Variants in DOCK9 observed in about 807,000 individuals in gnomAD.
DOCK9 encodes the protein dedicator of cytokinesis 9.
In DOCK9, 89 loss-of-function variants were observed where a neutral mutation model predicts 263.3. The ratio of observed to expected loss-of-function variants is 0.34; its 90% CI spans 0.28 to 0.40. The LOEUF is 0.40. DOCK9 is among the 10% of genes least tolerant of loss of function. DOCK9 has a pLI of 1.00. For missense variants in DOCK9, 2,140 were observed against 2,603.4 expected, an observed-to-expected ratio of 0.82 and a Z score of 3.87; for synonymous variants, 976 against 973.1, an observed-to-expected ratio of 1.00 and a Z score of -0.06.
chr13:98,819,464 A>T (rs893397298), intron 45 of DOCK9, among the ~76,000 whole-genome samples: 1 of 152,230 alleles, frequency 6.6e-6, no homozygotes, highest in Non-Finnish European at 1.5e-5. Flanking sequence ...AAGCAGCAGT[A>T]GGAGTGTAGT....
chr13:98,936,293 C>A (rs919430106), intron 2 of DOCK9, among the ~76,000 whole-genome samples: 1 of 152,082 alleles, frequency 6.6e-6, no homozygotes, highest in African/African-American at 2.4e-5. Flanking sequence ...TTGCAAATTC[C>A]TTTGAGAACA....
At chr13:98,968,035 A>T (rs551966942) in intron 1 of DOCK9, among the ~76,000 whole-genome samples, 2 of 152,156 alleles carry the variant, frequency 1.3e-5, no homozygotes, top group African/African-American at 4.8e-5. Context: ...TTTTAGTTTG[A>T]GGCTTTTAAG....
At chr13:98,857,710 G>A (rs1474307314) in intron 33 of DOCK9, 5 of 152,186 alleles carry the variant, frequency 3.3e-5, no homozygotes, top group African/African-American at 7.2e-5. Flanking sequence ...GTGTATTAAA[G>A]ATCAAGAAAA....
chr13:98,950,819 T>C (rs531912328), intron 2 of DOCK9, among the ~76,000 whole-genome samples: 1 of 152,328 alleles, frequency 6.6e-6, no homozygotes, highest in Non-Finnish European at 1.5e-5. Flanking sequence ...AAAAGCCAGA[T>C]GAAGATGCCG....
intron 1 of DOCK9, among the ~76,000 whole-genome samples, chr13:99,053,789 T>G (rs145343372): frequency 6.6e-6 from 1 of 152,160 alleles, no homozygotes; most frequent in African/African-American, 2.4e-5. Flanking sequence ...GCCCATCAGA[T>G]AGCACACACT....
At chr13:98,904,569 G>C (rs1566921975) in intron 10 of DOCK9, 63 bp downstream of exon 10, 4 of 1,184,650 alleles carry the variant, frequency 3.4e-6, no homozygotes, top group Non-Finnish European at 3.6e-6. Flanking sequence ...AAACAAATAA[G>C]CCCATCGATG....
upstream of DOCK9, among the ~76,000 whole-genome samples, chr13:98,978,306 A>G (rs548230557): frequency 6.6e-6 from 1 of 152,262 alleles, no homozygotes; most frequent in African/African-American, 2.4e-5. Context: ...AGACTCCTTC[A>G]TAATTACCTT....
At chr13:98,911,288 T>G (rs1266757859) in intron 9 of DOCK9, among the ~76,000 whole-genome samples, 1 of 152,218 alleles carries the variant, frequency 6.6e-6, no homozygotes, top group Non-Finnish European at 1.5e-5. Context: ...TTTTCAGGTT[T>G]TGACCATGAC....
chr13:98,881,909 G>A lies in DOCK9; in HGVS notation c.2658C>T (p.Val886=), dbSNP rs773991225. ...TCCCTTACCGAGTCACGTTAACCGC[G>A]ACTTCTTCCTGTGTGGCTCTGGTGA... ...RVLTRATQEE[V]AVNVTRVIIH... is the part of the protein sequence containing the mutation. Residue 886 remains valine, a synonymous_variant, in exon 24 of 53, where the codon GTC becomes GTT. Coordinates refer to ENST00000682017, the MANE Select transcript of DOCK9 (RefSeq NM_001366683.2). 7 of 1,584,834 alleles carry A rather than the reference G, an allele frequency of 4.4e-6. No homozygotes were observed. Among genetic ancestry groups the A allele is most frequent in the East Asian group, 2.3e-5 (1 of 43,660 alleles).
chr13:98,906,110 CGCCTGGGTAGAGAT>C (rs2049051763), intron 9 of DOCK9, among the ~76,000 whole-genome samples: 1 of 151,932 alleles, frequency 6.6e-6, no homozygotes, highest in Non-Finnish European at 1.5e-5. Context: ...TGTGTAGAGA[CGCCTGGGTAGAGAT>C]GCCTGTGGAA....
At chr13:98,923,455 G>A (rs933618467) in intron 4 of DOCK9, 84 bp from the exon 5 acceptor site, 21 of 1,108,752 alleles carry the variant, frequency 1.9e-5, no homozygotes, top group East Asian at 1.4e-4. Flanking sequence ...CATAGGGCCC[G>A]GCCTTTACTA....
chr13:98,984,133 T>A (rs183833857), intron 1 of DOCK9, among the ~76,000 whole-genome samples: 16 of 152,272 alleles, frequency 1.1e-4, no homozygotes, highest in African/African-American at 3.6e-4. Context: ...AAAGGGACCA[T>A]TGGAAGGTCC....
At chr13:99,079,944 G>A (rs1490182814) in intron 1 of DOCK9, among the ~76,000 whole-genome samples, 2 of 152,212 alleles carry the variant, frequency 1.3e-5, no homozygotes, top group Non-Finnish European at 2.9e-5. Flanking sequence ...GGAGGCTGAA[G>A]CAGGAGAATC....
In DOCK9 at chr13:98,805,056, T is replaced by A. The variant is rs1566532939; in HGVS notation, c.5668A>T (p.Thr1890Ser). 1.2e-6 allele frequency: 2 copies of A among 1,612,076 alleles called. No individual in the cohort carries two copies. The highest frequency in any genetic ancestry group is 2.2e-5 in the East Asian group (1 of 44,840). The change falls in exon 49 of 53, where the codon ACC (threonine) becomes TCC (serine). Residue 1890 changes from threonine (T) to serine (S), a missense_variant. Around this residue, in one of 2 missense-constraint regions of DOCK9, gnomAD observed 619 missense variants for 861.8 expected, o/e 0.72. Coordinates refer to ENST00000682017, the MANE Select transcript of DOCK9 (RefSeq NM_001366683.2). Reference protein sequence around the residue: ...RFMFEMPFTQTGKRQGGVEEQ... With the variant: ...RFMFEMPFTQSGKRQGGVEEQ... The stretch of plus-strand genomic sequence containing the variant: ...TCCACCCCGCCCTGCCTCTTCCCGG[T>A]CTGCGTAAATGGCATCTCAAACATG...
intron 1 of DOCK9, among the ~76,000 whole-genome samples, chr13:98,960,709 C>A (rs534309967): frequency 6.6e-6 from 1 of 152,244 alleles, no homozygotes; most frequent in East Asian, 1.9e-4. Context: ...TGGTTACAAA[C>A]GTAAATTCTG....
chr13:98,909,478 T>A (rs1455174888), intron 9 of DOCK9, among the ~76,000 whole-genome samples: 2 of 152,208 alleles, frequency 1.3e-5, no homozygotes, highest in East Asian at 3.8e-4. Context: ...AAACAATGTG[T>A]TGAATGTTGG....
rs1242791441 is a variant in DOCK9 at position 98,885,064 on chromosome 13, T to C, written c.2289A>G (p.Lys763=). 7 of 1,613,634 alleles carry C rather than the reference T, an allele frequency of 4.3e-6. No homozygotes were observed. Among genetic ancestry groups the C allele is most frequent in the East Asian group, 2.2e-5 (1 of 44,866 alleles). The change falls in exon 21 of 53, where the codon AAA becomes AAG. Residue 763 remains lysine, a synonymous_variant. Transcript: ENST00000682017. The stretch of plus-strand genomic sequence containing the variant: ...GCTCGCTTGTCACCACCCTTCCGTC[T>C]TTCAGGAGGGGAAGCCAGGAGTAGC... ...QVGYSWLPLL[K]DGRVVTSEQH...
chr13:98,953,880 T>C (rs1484805526), intron 2 of DOCK9, among the ~76,000 whole-genome samples: 2 of 152,232 alleles, frequency 1.3e-5, no homozygotes, highest in Admixed American at 1.3e-4. Flanking sequence ...TCAATTTCAT[T>C]CCCATGGGCA....
rs1435089351 is a variant in DOCK9 at position 98,903,011 on chromosome 13, T to C, written c.1137A>G (p.Gln379=). The change falls in exon 11 of 53, where the codon CAA becomes CAG. Residue 379 remains glutamine (Q), a synonymous_variant. Coordinates refer to ENST00000682017, the MANE Select transcript of DOCK9 (RefSeq NM_001366683.2). Reference sequence around the variant, plus strand: ...CTTCTTCATTTTCGGCAACACAGCATTGCAAATTGAAAGATAAATCATTGC... The same window carrying C: ...CTTCTTCATTTTCGGCAACACAGCACTGCAAATTGAAAGATAAATCATTGC... ...VKCNDLSFNL[Q]CCVAENEEGP... is the part of the protein sequence containing the mutation. 44 of 1,535,556 alleles carry C rather than the reference T, an allele frequency of 2.9e-5. No homozygotes were observed. The highest frequency in any genetic ancestry group is 3.7e-5 in the Non-Finnish European group (42 of 1,142,580).
Sources: allele counts gnomAD v4.1 joint callset (sites outside exome capture counted in the v4.1 genomes callset), GRCh38; gene constraint gnomAD v4.1.1; regional missense constraint gnomAD v4.1.1; transcripts MANE v1.5; gene names NCBI Gene and HGNC (gene_info 2026-07-23, HGNC 2026-07-21).